SMAD3: variants seen among roughly 807,000 people sequenced by gnomAD.
SMAD3 encodes the protein SMAD family member 3.
Under a neutral mutation model 51.8 loss-of-function variants are expected in SMAD3, and 12 were observed. The observed-to-expected ratio is 0.23, with a 90% confidence interval of 0.15 to 0.38. The LOEUF is 0.38. SMAD3 is among the 10% of genes least tolerant of loss of function. The pLI, the probability that SMAD3 is intolerant of heterozygous loss-of-function variation, is 1.00. For missense variants in SMAD3, 294 were observed against 565.6 expected (o/e 0.52, Z 4.87); for synonymous variants, 238 against 227.7 (o/e 1.05, Z -0.41).
chr15:67,125,429 A>C (rs1961361332), intron 1 of SMAD3, among the ~76,000 whole-genome samples: 1 of 152,052 alleles, frequency 6.6e-6, no homozygotes, highest in South Asian at 2.1e-4. Context: ...GAATGCATGG[A>C]CCTCTGTCCT....
At chr15:67,090,932 A>T (rs1454947475) in intron 1 of SMAD3, among the ~76,000 whole-genome samples, 14 of 152,090 alleles carry the variant, frequency 9.2e-5, no homozygotes. Context: ...ACACTTGATT[A>T]CCTGCTGCAG....
chr15:67,165,105 G>A lies in SMAD3; in HGVS notation c.400+17G>A, dbSNP rs112823414. Reference sequence around the variant, plus strand: ...AGACACCAGGTATGCTGCCTGGCCTGCCTGTGGGGACAGCAGGTGCCAGGG... The same window carrying A: ...AGACACCAGGTATGCTGCCTGGCCTACCTGTGGGGACAGCAGGTGCCAGGG... On this transcript the variant is annotated intron_variant, in intron 2 of 8. Coordinates refer to ENST00000327367, the MANE Select transcript of SMAD3 (RefSeq NM_005902.4). The A allele has an allele frequency of 6.2e-7, 1 of 1,613,220 alleles. No individual in the cohort carries two copies. Among genetic ancestry groups the A allele is most frequent in the Non-Finnish European group, 8.5e-7 (1 of 1,179,318 alleles).
At chr15:67,156,680 AT>A (rs1414351766) in intron 1 of SMAD3, among the ~76,000 whole-genome samples, 1 of 117,722 alleles carries the variant, frequency 8.5e-6, no homozygotes, top group Non-Finnish European at 1.8e-5. Flanking sequence ...GCTTAAATCC[AT>A]TGTTTATGCT....
chr15:67,147,156 A>C (rs1168119174), intron 1 of SMAD3, among the ~76,000 whole-genome samples: 1 of 152,094 alleles, frequency 6.6e-6, no homozygotes, highest in Admixed American at 6.5e-5. Flanking sequence ...CTGAGAGTAG[A>C]GGAGGGAAGA....
intron 5 of SMAD3, among the ~76,000 whole-genome samples, chr15:67,179,128 G>A (rs898843940): frequency 1.3e-5 from 2 of 152,218 alleles, no homozygotes; most frequent in Non-Finnish European, 2.9e-5. Context: ...GGCCCACAGA[G>A]TGTAGCTGGT....
chr15:67,166,295 T>G, intron 3 of SMAD3: 1 of 447,808 alleles, frequency 2.2e-6, no homozygotes, highest in Non-Finnish European at 3.1e-6. Context: ...TTGCCGTCAT[T>G]GAACTTGCAA....
chr15:67,152,397 C>A (rs1029152834), intron 1 of SMAD3, among the ~76,000 whole-genome samples: 2 of 152,164 alleles, frequency 1.3e-5, no homozygotes, highest in African/African-American at 4.8e-5. Flanking sequence ...CATGAACAGG[C>A]CTGCTGCCGA....
At chr15:67,127,344 A>G (rs7178291) in intron 1 of SMAD3, among the ~76,000 whole-genome samples, 103,580 of 152,080 alleles carry the variant, frequency 0.68, 35,361 homozygotes, top group African/African-American at 0.74. Context: ...GTTAAGTGAC[A>G]GGCTTGACAC....
In SMAD3 at chr15:67,181,366, G is replaced by C; in HGVS notation, c.784G>C (p.Asp262His). ...ATCCATGACTGTGGATGGCTTCACC[G>C]ACCCCTCCAATTCGGAGCGCTTCTG... is the stretch of plus-strand genomic sequence containing the variant. ...QPSMTVDGFT[D>H]PSNSERFCLG... The change falls in exon 6 of 9, where the codon GAC becomes CAC. Residue 262 changes from aspartate to histidine, a missense_variant. Physicochemically the swap from Asp to His is moderately conservative, Grantham distance 81. Transcript: ENST00000327367. The C allele has an allele frequency of 6.2e-7, 1 of 1,614,060 alleles. No individual in the cohort carries two copies. Among genetic ancestry groups the C allele is most frequent in the Non-Finnish European group, 8.5e-7 (1 of 1,180,012 alleles).
At chr15:67,084,332 C>T (rs1172090920) in intron 1 of SMAD3, among the ~76,000 whole-genome samples, 2 of 151,752 alleles carry the variant, frequency 1.3e-5, no homozygotes, top group Admixed American at 1.3e-4. Context: ...CTGCCTGCCT[C>T]GGCCTCCCAA....
intron 1 of SMAD3, among the ~76,000 whole-genome samples, chr15:67,102,270 G>A (rs992468087): frequency 2.9e-5 from 3 of 103,996 alleles, no homozygotes; most frequent in East Asian, 2.1e-4. Context: ...GTGTGTGTGC[G>A]GTGTGTGTGT....
intron 1 of SMAD3, among the ~76,000 whole-genome samples, chr15:67,151,118 C>T (rs1962129517): frequency 6.6e-6 from 1 of 151,734 alleles, no homozygotes; most frequent in Admixed American, 6.6e-5. Context: ...CTTGGCTACC[C>T]AGAGTGCTGG....
chr15:67,136,421 C>T (rs1370457754), intron 1 of SMAD3, among the ~76,000 whole-genome samples: 1 of 151,736 alleles, frequency 6.6e-6, no homozygotes, highest in Non-Finnish European at 1.5e-5. Flanking sequence ...CAACCTCCGC[C>T]TTCCGGATTC....
At chr15:67,157,407 G>T (rs1743531338) in intron 1 of SMAD3, among the ~76,000 whole-genome samples, 1 of 152,182 alleles carries the variant, frequency 6.6e-6, no homozygotes, top group South Asian at 2.1e-4. Context: ...CCATGTATCA[G>T]CCCTGGTCTG....
intron 1 of SMAD3, among the ~76,000 whole-genome samples, chr15:67,108,981 G>C (rs1444163697): frequency 6.6e-6 from 1 of 152,190 alleles, no homozygotes; most frequent in East Asian, 1.9e-4. Flanking sequence ...TTTGAAATAG[G>C]CTTAATTTTC....
At position 67,178,065 on chromosome 15, in the gene SMAD3, G is replaced by A. The variant is rs1045316084; in HGVS notation, c.659-3176G>A. Among the ~76,000 whole-genome samples the A allele has an allele frequency of 2.6e-5, 4 of 152,196 alleles. No homozygotes were observed. In the East Asian group the frequency reaches 7.7e-4, roughly 29 times the overall value. ...CTCAAACAAGCATCTTCTTAATGAT[G>A]TGTCAGGTTCCTAGTGTCCGGGGTT... On this transcript the variant is annotated intron_variant, in intron 5 of 8. Transcript: ENST00000327367.
At chr15:67,134,047 A>T (rs1441769255) in intron 1 of SMAD3, among the ~76,000 whole-genome samples, 1 of 152,094 alleles carries the variant, frequency 6.6e-6, no homozygotes, top group Non-Finnish European at 1.5e-5. Context: ...AGTACTCCTC[A>T]TTAGAGGAAA....
chr15:67,155,712 G>C (rs1018406550), intron 1 of SMAD3, among the ~76,000 whole-genome samples: 3 of 152,218 alleles, frequency 2.0e-5, no homozygotes, highest in Admixed American at 6.5e-5. Flanking sequence ...TTTTGGGCCA[G>C]TCGCGGTGGC....
chr15:67,120,296 G>A (rs919765432), intron 1 of SMAD3, among the ~76,000 whole-genome samples: 2 of 152,248 alleles, frequency 1.3e-5, no homozygotes, highest in Non-Finnish European at 2.9e-5. Flanking sequence ...GGTGATAAGA[G>A]CCTGTGGCAG....
Sources: allele counts gnomAD v4.1 joint callset (sites outside exome capture counted in the v4.1 genomes callset), GRCh38; gene constraint gnomAD v4.1.1; transcripts MANE v1.5; gene names NCBI Gene and HGNC (gene_info 2026-07-23, HGNC 2026-07-21).